Variants in RARB observed in about 807,000 individuals in gnomAD.
RARB encodes retinoic acid receptor beta.
Under a neutral mutation model 51.9 loss-of-function variants are expected in RARB, and 17 were observed. That is an observed-to-expected ratio of 0.33 (90% CI 0.22 to 0.49). The LOEUF (loss-of-function observed/expected upper bound fraction) is 0.49, where lower values mean the gene tolerates loss of function less well. Ranked by LOEUF, RARB falls within the 20% of genes least tolerant of loss-of-function variation. The probability of loss-of-function intolerance (pLI) is 0.99; values close to 1 mark genes in which losing one functional copy is unlikely to be tolerated. For missense variants in RARB, 369 were observed against 550.8 expected (o/e 0.67, Z 3.30); for synonymous variants, 215 against 195.4 (o/e 1.10, Z -0.84).
At chr3:24,946,565 T>C (rs1695780003) in intron 2 of RARB, among the ~76,000 whole-genome samples, 2 of 152,064 alleles carry the variant, frequency 1.3e-5, no homozygotes, top group Admixed American at 6.5e-5. Context: ...TAAAAAATGA[T>C]ACATTAATAT....
chr3:25,147,314 G>A (rs1700209353), intron 4 of RARB, among the ~76,000 whole-genome samples: 1 of 152,086 alleles, frequency 6.6e-6, no homozygotes, highest in Admixed American at 6.5e-5. Flanking sequence ...CAACACCAAG[G>A]CTAGGAGACC....
chr3:25,242,070 G>A (rs960589943), intron 5 of RARB, among the ~76,000 whole-genome samples: 8 of 152,158 alleles, frequency 5.3e-5, no homozygotes, highest in Non-Finnish European at 1.0e-4. Context: ...CAGTGGATGA[G>A]CTTCTTTTCA....
At chr3:25,140,316 G>C (rs748385806) in intron 4 of RARB, among the ~76,000 whole-genome samples, 8 of 152,146 alleles carry the variant, frequency 5.3e-5, no homozygotes, top group Non-Finnish European at 8.8e-5. Context: ...TTCATGGGAG[G>C]AAGTCAAAAT....
At chr3:24,908,672 T>G (rs796911010) in intron 2 of RARB, among the ~76,000 whole-genome samples, 7,839 of 145,232 alleles carry the variant, frequency 0.054, 362 homozygotes, top group East Asian at 0.14. Flanking sequence ...TGTTTTTTTT[T>G]TTTTTTTTTT....
At chr3:25,072,407 A>C (rs548289216) in intron 3 of RARB, among the ~76,000 whole-genome samples, 24 of 152,302 alleles carry the variant, frequency 1.6e-4, no homozygotes, top group African/African-American at 5.5e-4. Flanking sequence ...GGAGCTGAGC[A>C]ACCAGTCACT....
intron 4 of RARB, among the ~76,000 whole-genome samples, chr3:25,134,830 G>A (rs201648385): frequency 6.6e-6 from 1 of 151,720 alleles, no homozygotes; most frequent in African/African-American, 2.4e-5. Flanking sequence ...AACCGTCACT[G>A]CCTCTACCTG....
chr3:25,516,694 T>C (rs750854366), intron 3 of RARB, among the ~76,000 whole-genome samples: 2 of 150,434 alleles, frequency 1.3e-5, no homozygotes, highest in Admixed American at 6.6e-5. Flanking sequence ...TGATGCAATC[T>C]TGGCTCACTG....
intron 5 of RARB, among the ~76,000 whole-genome samples, chr3:25,199,455 A>G (rs1222799688): frequency 2.6e-5 from 4 of 151,964 alleles, no homozygotes; most frequent in African/African-American, 7.2e-5. Flanking sequence ...TATAATTGGA[A>G]TTTTTTTATT....
At chr3:25,188,747 T>C (rs919076988) in intron 5 of RARB, among the ~76,000 whole-genome samples, 86 of 22,728 alleles carry the variant, frequency 3.8e-3, no homozygotes, top group South Asian at 9.7e-3. Context: ...ATCTTGTTTT[T>C]TACCCACAAT....
At chr3:25,087,080 T>G (rs1418186283) in intron 3 of RARB, among the ~76,000 whole-genome samples, 1 of 152,104 alleles carries the variant, frequency 6.6e-6, no homozygotes, top group African/African-American at 2.4e-5. Flanking sequence ...TATAATTCGA[T>G]TTTTTTCAGG....
intron 2 of RARB, among the ~76,000 whole-genome samples, chr3:24,890,661 C>G (rs561232778): frequency 6.6e-6 from 1 of 152,250 alleles, no homozygotes; most frequent in East Asian, 1.9e-4. Flanking sequence ...ATATGGGTCA[C>G]CATAGGATGT....
intron 5 of RARB, among the ~76,000 whole-genome samples, chr3:25,288,658 T>A (rs1166230488): frequency 6.6e-6 from 1 of 152,110 alleles, no homozygotes; most frequent in African/African-American, 2.4e-5. Context: ...TTCTTGATCA[T>A]CCATTGTACT....
At chr3:25,079,496 C>A (rs563819392) in intron 3 of RARB, among the ~76,000 whole-genome samples, 1 of 152,270 alleles carries the variant, frequency 6.6e-6, no homozygotes, top group East Asian at 1.9e-4. Flanking sequence ...ATTATACTAA[C>A]AGCTGCTTAT....
chr3:25,217,205 A>G (rs1008022236), intron 5 of RARB, among the ~76,000 whole-genome samples: 8 of 152,216 alleles, frequency 5.3e-5, no homozygotes, highest in Non-Finnish European at 1.2e-4. Context: ...ACCTGTTGGT[A>G]CAGTTTGTAG....
chr3:24,856,955 A>T lies in RARB; in HGVS notation c.-458-1719A>T, dbSNP rs536082095. On this transcript the variant is annotated intron_variant, in intron 1 of 11. Transcript: ENST00000383772. ...TTTCAATTGATTTATTTGGTAGAGA[A>T]AATGCACCAAAGCTGAAGAGAAAAT... Among the ~76,000 whole-genome samples, 9 of 152,324 alleles carry T rather than the reference A, an allele frequency of 5.9e-5. No individual in the cohort carries two copies. In the East Asian group the frequency reaches 1.7e-3, roughly 29 times the overall value.
intron 2 of RARB, among the ~76,000 whole-genome samples, chr3:24,865,117 A>G (rs1174751998): frequency 6.6e-6 from 1 of 152,276 alleles, no homozygotes; most frequent in Non-Finnish European, 1.5e-5. Flanking sequence ...TTACCTACAG[A>G]TAATATTCAT....
chr3:25,346,669 G>T (rs1349728317), intron 5 of RARB, among the ~76,000 whole-genome samples: 1 of 152,212 alleles, frequency 6.6e-6, no homozygotes, highest in Non-Finnish European at 1.5e-5. Flanking sequence ...CGAAGTGGCT[G>T]ATTGCTGCCT....
At chr3:25,057,590 A>G (rs1288251961) in intron 2 of RARB, among the ~76,000 whole-genome samples, 1 of 152,056 alleles carries the variant, frequency 6.6e-6, no homozygotes, top group Non-Finnish European at 1.5e-5. Context: ...GACTTGGCAT[A>G]GGAAAGACTT....
At chr3:25,193,605 T>C (rs1701157330) in intron 5 of RARB, among the ~76,000 whole-genome samples, 1 of 152,050 alleles carries the variant, frequency 6.6e-6, no homozygotes, top group Admixed American at 6.6e-5. Flanking sequence ...TTATTGTTCA[T>C]TTTAGTATTT....
Sources: gnomAD v4.1 joint callset for allele counts (sites outside exome capture counted in the v4.1 genomes callset) on GRCh38, gnomAD v4.1.1 for gene constraint, MANE v1.5 for transcripts, NCBI Gene and HGNC (gene_info 2026-07-23, HGNC 2026-07-21) for gene names.